Variants in IQANK1 observed in about 807,000 individuals in gnomAD.
IQANK1 encodes the protein IQ motif and ankyrin repeat domain-containing protein 1.
IQANK1 carries 30 observed loss-of-function variants against 22.6 expected under a neutral mutation model. The ratio of observed to expected loss-of-function variants is 1.33; its 90% CI spans 0.99 to 1.80. The LOEUF (loss-of-function observed/expected upper bound fraction) is 1.80, where lower values mean the gene tolerates loss of function less well. Among genes scored for constraint, IQANK1 ranks in the 40% most tolerant of loss-of-function variants. IQANK1 has a pLI of 0.00. For synonymous variants in IQANK1, 122 were observed against 99.6 expected (o/e 1.23, Z -1.34); for missense variants, 275 against 235.2 (o/e 1.17, Z -1.11).
rs373777931 is a variant in IQANK1 at position 143,777,539 on chromosome 8, AC to A, written c.789+5058del. 6.6e-3 allele frequency among the ~76,000 whole-genome samples: 930 copies of A among 141,808 alleles called. 25 individuals are homozygous for A. The highest frequency in any genetic ancestry group is 0.011 in the Middle Eastern group (3 of 264). 93.0% of individuals were successfully genotyped at this position (141,808 alleles called of 152,430 possible). ...CCGTCTTAAAAAAAAAAAAAAAAAAACAAACCACTAAAAAAAAATCCCAAAA... is the reference window on the plus strand; with the variant it reads ...CCGTCTTAAAAAAAAAAAAAAAAAAAAAACCACTAAAAAAAAATCCCAAAA... On this transcript the variant is annotated intron_variant, in intron 7 of 13. Transcript: ENST00000527139.
At chr8:143,782,445 C>T (rs1192955842) in intron 7 of IQANK1, among the ~76,000 whole-genome samples, 1 of 112,872 alleles carries the variant, frequency 8.9e-6, no homozygotes, top group Non-Finnish European at 2.3e-5. Context: ...TGGCTGTGGG[C>T]TTGTCAGTGC....
chr8:143,738,969 C>T (rs574495525), intron 2 of IQANK1, among the ~76,000 whole-genome samples: 4 of 152,214 alleles, frequency 2.6e-5, no homozygotes, highest in East Asian at 1.9e-4. Flanking sequence ...GGGCAGGGTT[C>T]GGGCCACTGC....
intron 7 of IQANK1, among the ~76,000 whole-genome samples, chr8:143,780,798 T>C (rs1819783477): frequency 6.6e-6 from 1 of 152,226 alleles, no homozygotes; most frequent in African/African-American, 2.4e-5. Context: ...TGCGTGCATG[T>C]GTCTTTATGG....
At chr8:143,773,176 G>A (rs1173560173) in intron 7 of IQANK1, among the ~76,000 whole-genome samples, 3 of 152,046 alleles carry the variant, frequency 2.0e-5, no homozygotes, top group Non-Finnish European at 2.9e-5. Context: ...GCGTCGTGGC[G>A]CACGCCTGTA....
chr8:143,778,689 C>T (rs1819736826), intron 7 of IQANK1, among the ~76,000 whole-genome samples: 1 of 152,260 alleles, frequency 6.6e-6, no homozygotes, highest in Admixed American at 6.5e-5. Flanking sequence ...CGTTTCCATA[C>T]ATTCACCCAC....
chr8:143,775,901 A>T (rs917566210), intron 7 of IQANK1, among the ~76,000 whole-genome samples: 1 of 152,126 alleles, frequency 6.6e-6, no homozygotes, highest in Non-Finnish European at 1.5e-5. Flanking sequence ...TTAATGGAAG[A>T]TGCAGATTAG....
chr8:143,761,808 G>T (rs1212318298), intron 3 of IQANK1, among the ~76,000 whole-genome samples: 3 of 146,234 alleles, frequency 2.1e-5, no homozygotes, highest in African/African-American at 7.6e-5. Context: ...AAATTTCAGT[G>T]TTTTTTTTTT....
chr8:143,744,006 G>C (rs1336749548), intron 3 of IQANK1: 3 of 319,878 alleles, frequency 9.4e-6, no homozygotes, highest in Non-Finnish European at 1.8e-5. Flanking sequence ...GCTAGTTTTT[G>C]TGTTTTTAGT....
chr8:143,772,052 G>C lies in IQANK1; in HGVS notation c.472G>C (p.Val158Leu). 1 of 396,478 alleles carries C rather than the reference G, an allele frequency of 2.5e-6. No homozygotes were observed. The allele number at this position is 396,478 out of a possible 1,614,324, so 24.6% of individuals were successfully genotyped here. A position where few individuals can be genotyped will look rare whatever the true frequency, so the allele number is the denominator to read the frequency against. ...VGEIRAVLKEVEQLLTREGVG... is the reference protein window; with the variant it reads ...VGEIRAVLKELEQLLTREGVG... The stretch of plus-strand genomic sequence containing the variant: ...GCGGTGACCGCGGCGAGCTGCGCAG[G>C]TGGAGCAGCTGCTGACGCGCGAGGG... The change falls in exon 6 of 14, where the codon GTG (valine) becomes CTG (leucine). Residue 158 changes from valine to leucine, a missense_variant and splice_region_variant. Val to Leu is a conservative substitution (Grantham distance 32, BLOSUM62 1). Coordinates refer to ENST00000527139, the MANE Select transcript of IQANK1 (RefSeq NM_001381874.1).
At chr8:143,777,041 A>G (rs1215626027) in intron 7 of IQANK1, among the ~76,000 whole-genome samples, 1 of 151,878 alleles carries the variant, frequency 6.6e-6, no homozygotes, top group Non-Finnish European at 1.5e-5. Flanking sequence ...GGGAAGGATC[A>G]CTTGAACCCA....
intron 3 of IQANK1, chr8:143,741,637 G>C (rs1563767739): frequency 1.3e-5 from 2 of 152,432 alleles, no homozygotes; most frequent in South Asian, 4.1e-4. Flanking sequence ...GGCGGGCTCA[G>C]GGCGAGGCAC....
At position 143,760,728 on chromosome 8, in the gene IQANK1, A is replaced by C. The variant is rs186403742; in HGVS notation, c.176-10760A>C. On this transcript the variant is annotated intron_variant, in intron 3 of 13. Coordinates refer to ENST00000527139, the MANE Select transcript of IQANK1 (RefSeq NM_001381874.1). ...TAAAGTTTTTATGAAGAATGGCCAA[A>C]CAGCTATTATAAGTTTAAAGTAACA... Among the ~76,000 whole-genome samples, 24 of 152,294 alleles carry C rather than the reference A, an allele frequency of 1.6e-4. No homozygotes were observed. The East Asian group carries it at 4.6e-3, about 29-fold the overall frequency.
Position 143,758,945 on chromosome 8 carries a change from C to A in IQANK1, c.176-12543C>A, listed in dbSNP as rs530346289. Reference sequence around the variant, plus strand: ...GCTGGGCCCCAGGAGATGAGCTCCTCGCCCAAGCTGGAGAGCATCCGCTGC... The same window carrying A: ...GCTGGGCCCCAGGAGATGAGCTCCTAGCCCAAGCTGGAGAGCATCCGCTGC... On this transcript the variant is annotated intron_variant, in intron 3 of 13. Coordinates refer to ENST00000527139, the MANE Select transcript of IQANK1 (RefSeq NM_001381874.1). The surrounding 1 kb of genome is among the most constrained non-coding windows in gnomAD (Gnocchi z 4.2). 2.3e-5 allele frequency: 4 copies of A among 171,692 alleles called. No individual in the cohort carries two copies. The highest frequency in any genetic ancestry group is 3.8e-4 in the East Asian group (2 of 5,316). 10.6% of individuals were successfully genotyped at this position (171,692 alleles called of 1,614,324 possible). A position where few individuals can be genotyped will look rare whatever the true frequency, so the allele number is the denominator to read the frequency against.
intron 8 of IQANK1, 62 bp downstream of exon 8, chr8:143,789,125 G>A (rs550641933): frequency 2.7e-4 from 109 of 401,830 alleles, no homozygotes; most frequent in South Asian, 6.1e-4. Flanking sequence ...CAGGGAGCCC[G>A]GGCAGGGGGT....
At chr8:143,773,015 T>C (rs114188925) in intron 7 of IQANK1, among the ~76,000 whole-genome samples, 7,412 of 152,246 alleles carry the variant, frequency 0.049, 538 homozygotes, top group African/African-American at 0.16. Context: ...AAGGACAGTC[T>C]GGCTGTCTGG....
chr8:143,785,946 C>T (rs781998292), intron 7 of IQANK1, among the ~76,000 whole-genome samples: 1 of 152,080 alleles, frequency 6.6e-6, no homozygotes. Context: ...AGGCTGGTCT[C>T]CAACTCCTGA....
At position 143,772,116 on chromosome 8, in the gene IQANK1, A is replaced by G. The variant is rs1819587745; in HGVS notation, c.536A>G (p.Gln179Arg). The G allele has an allele frequency of 2.5e-6, 1 of 395,854 alleles. No homozygotes were observed. The highest frequency in any genetic ancestry group is 2.1e-5 in the African/African-American group (1 of 48,548). 24.5% of individuals were successfully genotyped at this position (395,854 alleles called of 1,614,324 possible). A position where few individuals can be genotyped will look rare whatever the true frequency, so the allele number is the denominator to read the frequency against. Residue 179 changes from glutamine (Q) to arginine (R), a missense_variant, in exon 6 of 14, where the codon CAG becomes CGG. Coordinates refer to ENST00000527139, the MANE Select transcript of IQANK1 (RefSeq NM_001381874.1). ...GAGGCAGGCGAGGCGCGGCGGCTGC[A>G]GCGACGCGTGGCTCTGGCGGAGTGC... ...HDEAGEARRL[Q>R]RRVALAECED...
chr8:143,789,525 G>A lies in IQANK1; in HGVS notation c.1083G>A (p.Leu361=), dbSNP rs1587498500. ...WRCMDKTKLT[L]QAIKDTEAQV... ...GCATGGACAAGACCAAGCTCACGCT[G>A]CAGGTGGGGGCCCGTGGTGGACTTG... The change falls in exon 10 of 14, where the codon CTG becomes CTA. Residue 361 remains leucine, a synonymous_variant. Transcript: ENST00000527139. The A allele has an allele frequency of 8.1e-7, 1 of 1,232,296 alleles. No homozygotes were observed. Among genetic ancestry groups the A allele is most frequent in the Non-Finnish European group, 1.0e-6 (1 of 988,194 alleles). The allele number at this position is 1,232,296 out of a possible 1,614,324, so 76.3% of individuals were successfully genotyped here.
At chr8:143,753,267 G>T (rs145662885) in intron 3 of IQANK1, among the ~76,000 whole-genome samples, 1,615 of 152,024 alleles carry the variant, frequency 0.011, 8 homozygotes, top group Middle Eastern at 0.02. Context: ...ACCTGCCTCA[G>T]CCTCCCAAGG....
Sources: gnomAD v4.1 joint callset for allele counts (sites outside exome capture counted in the v4.1 genomes callset) on GRCh38, gnomAD v4.1.1 for gene constraint, Gnocchi (gnomAD v3.1) non-coding constraint, MANE v1.5 for transcripts, NCBI Gene and HGNC (gene_info 2026-07-23, HGNC 2026-07-21) for gene names.